The following UNC5C variants were observed in gnomAD, a reference collection of about 807,000 sequenced individuals.
The protein encoded by UNC5C is unc-5 netrin receptor C.
In UNC5C, 47 loss-of-function variants were observed where a neutral mutation model predicts 99.8. The ratio of observed to expected loss-of-function variants is 0.47; its 90% CI spans 0.37 to 0.60. UNC5C has a LOEUF of 0.60. UNC5C is among the 20% of genes least tolerant of loss of function. The probability of loss-of-function intolerance (pLI) is 0.00; values close to 1 mark genes in which losing one functional copy is unlikely to be tolerated. For synonymous variants in UNC5C, 487 were observed against 452.2 expected, an observed-to-expected ratio of 1.08 and a Z score of -0.98; for missense variants, 1,062 against 1,165.9, an observed-to-expected ratio of 0.91 and a Z score of 1.30.
intron 3 of UNC5C, among the ~76,000 whole-genome samples, chr4:95,284,586 T>G (rs1468831040): frequency 2.0e-5 from 3 of 152,144 alleles, no homozygotes; most frequent in Non-Finnish European, 4.4e-5. Context: ...AGTTAGAAAC[T>G]AGGGAGAGAA....
chr4:95,438,329 A>G (rs1746848270), intron 1 of UNC5C, among the ~76,000 whole-genome samples: 2 of 152,084 alleles, frequency 1.3e-5, no homozygotes, highest in African/African-American at 4.8e-5. Flanking sequence ...ACATATCAAT[A>G]TTTATCAGTG....
intron 1 of UNC5C, among the ~76,000 whole-genome samples, chr4:95,402,391 A>T (rs1745725578): frequency 6.6e-6 from 1 of 152,198 alleles, no homozygotes; most frequent in African/African-American, 2.4e-5. Context: ...GTGATCAAGC[A>T]CACTTCTCTC....
At chr4:95,515,500 G>C (rs1321301618) in intron 1 of UNC5C, among the ~76,000 whole-genome samples, 1 of 152,130 alleles carries the variant, frequency 6.6e-6, no homozygotes, top group African/African-American at 2.4e-5. Flanking sequence ...TCTGCTTAAC[G>C]TATTAGGTTT....
intron 1 of UNC5C, among the ~76,000 whole-genome samples, chr4:95,477,829 C>T (rs954529857): frequency 2.0e-5 from 3 of 151,894 alleles, no homozygotes; most frequent in Non-Finnish European, 4.4e-5. Flanking sequence ...TAAGCACATA[C>T]CTATACTTAA....
chr4:95,424,814 C>A (rs951475778), intron 1 of UNC5C, among the ~76,000 whole-genome samples: 2 of 152,028 alleles, frequency 1.3e-5, no homozygotes, highest in Middle Eastern at 3.4e-3. Flanking sequence ...TGAGCCACCG[C>A]ACCCGCCCCA....
chr4:95,531,076 T>C (rs147224751), intron 1 of UNC5C, among the ~76,000 whole-genome samples: 29 of 152,322 alleles, frequency 1.9e-4, no homozygotes, highest in Middle Eastern at 6.8e-3. Flanking sequence ...TGTTTTAGAC[T>C]TCATAATTTA....
rs201554837 is a variant in UNC5C, at chr4:95,415,914, GTT to G, written c.125-80285_125-80284del. On this transcript the variant is annotated intron_variant, in intron 1 of 15. Coordinates refer to ENST00000453304, the MANE Select transcript of UNC5C (RefSeq NM_003728.4). ...TTGAAAGTCACTTTTTAAAATTGTT[GTT>G]TTTTTTTTCACTCTGGCAATAACTG... Among the ~76,000 whole-genome samples the G allele has an allele frequency of 2.0e-5, 3 of 147,178 alleles. No individual in the cohort carries two copies. The South Asian group carries it at 6.5e-4, about 32-fold the overall frequency.
At chr4:95,405,059 C>A (rs563923335) in intron 1 of UNC5C, among the ~76,000 whole-genome samples, 8 of 152,236 alleles carry the variant, frequency 5.3e-5, no homozygotes, top group African/African-American at 1.9e-4. Flanking sequence ...ATTCATTCTT[C>A]GAGTGTGTGA....
chr4:95,456,948 T>C lies in UNC5C; in HGVS notation c.124+91786A>G, dbSNP rs144021266. On this transcript the variant is annotated intron_variant, in intron 1 of 15. Coordinates refer to ENST00000453304, the MANE Select transcript of UNC5C (RefSeq NM_003728.4). ...TTAATATTTTAAGTAACATGGGCAA[T>C]AAGATGTTAATACTATGTTCATTTC... 2.0e-3 allele frequency among the ~76,000 whole-genome samples: 306 copies of C among 152,212 alleles called. 1 individual carries two copies. The highest frequency in any genetic ancestry group is 7.0e-3 in the African/African-American group (292 of 41,558).
chr4:95,364,517 G>A (rs775921989), intron 1 of UNC5C, among the ~76,000 whole-genome samples: 2 of 152,132 alleles, frequency 1.3e-5, no homozygotes, highest in Non-Finnish European at 2.9e-5. Context: ...TAGCTGCTAA[G>A]TCTTAGAACC....
intron 1 of UNC5C, among the ~76,000 whole-genome samples, chr4:95,486,497 T>TC (rs1179397349): frequency 6.6e-6 from 1 of 151,634 alleles, no homozygotes; most frequent in Non-Finnish European, 1.5e-5. Context: ...CACACTGGTT[T>TC]CCCAAGTATA....
intron 6 of UNC5C, among the ~76,000 whole-genome samples, chr4:95,242,820 G>T (rs767114280): frequency 6.6e-6 from 1 of 152,162 alleles, no homozygotes; most frequent in Non-Finnish European, 1.5e-5. Context: ...AGCCAAGGGA[G>T]GCTGACTGAG....
intron 1 of UNC5C, among the ~76,000 whole-genome samples, chr4:95,451,314 T>C (rs992800006): frequency 1.1e-4 from 17 of 152,214 alleles, no homozygotes; most frequent in African/African-American, 2.4e-4. Flanking sequence ...GCTTACAGCT[T>C]AGTAAAGTGA....
chr4:95,388,327 G>T (rs1364498616), intron 1 of UNC5C, among the ~76,000 whole-genome samples: 6 of 152,138 alleles, frequency 3.9e-5, no homozygotes, highest in African/African-American at 7.2e-5. Context: ...TGGTTTTAGA[G>T]AATTTTTTTA....
At chr4:95,276,545 G>A (rs149916987) in intron 4 of UNC5C, among the ~76,000 whole-genome samples, 4 of 152,252 alleles carry the variant, frequency 2.6e-5, no homozygotes, top group African/African-American at 9.6e-5. Context: ...GAAGCCCTGA[G>A]CAAAAATGAT....
chr4:95,301,492 G>GC (rs1741875904), intron 3 of UNC5C, 114 bp downstream of exon 3: 3 of 1,472,246 alleles, frequency 2.0e-6, no homozygotes, highest in Non-Finnish European at 2.8e-6. Context: ...ACCGCGCCTG[G>GC]CCTTTCCAGG....
chr4:95,259,046 C>A (rs1740121021), intron 4 of UNC5C, among the ~76,000 whole-genome samples: 2 of 151,916 alleles, frequency 1.3e-5, no homozygotes, highest in African/African-American at 2.4e-5. Context: ...CAGGCGTGAG[C>A]CACCGCGCCC....
At chr4:95,423,453 C>T (rs1193938850) in intron 1 of UNC5C, among the ~76,000 whole-genome samples, 1 of 152,092 alleles carries the variant, frequency 6.6e-6, no homozygotes, top group Non-Finnish European at 1.5e-5. Flanking sequence ...ATTACGAGGT[C>T]ATGGAATTGT....
intron 1 of UNC5C, among the ~76,000 whole-genome samples, chr4:95,367,029 C>A (rs1158854411): frequency 6.6e-6 from 1 of 152,082 alleles, no homozygotes; most frequent in African/African-American, 2.4e-5. Context: ...TGTATCATTT[C>A]ATCTTCACTA....
Sources: allele counts gnomAD v4.1 joint callset (sites outside exome capture counted in the v4.1 genomes callset), GRCh38; gene constraint gnomAD v4.1.1; transcripts MANE v1.5; gene names NCBI Gene and HGNC (gene_info 2026-07-23, HGNC 2026-07-21).